NKAIN3: variants seen among roughly 807,000 people sequenced by gnomAD.
NKAIN3 encodes sodium/potassium transporting ATPase interacting 3.
NKAIN3 carries 25 observed loss-of-function variants against 30.2 expected under a neutral mutation model. The ratio of observed to expected loss-of-function variants is 0.83; its 90% CI spans 0.60 to 1.16. The LOEUF (loss-of-function observed/expected upper bound fraction) is 1.16, where lower values mean the gene tolerates loss of function less well. Ranked by LOEUF, NKAIN3 falls within the 50% of genes most tolerant of loss-of-function variation. NKAIN3 has a pLI of 0.00. For synonymous variants in NKAIN3, 91 were observed against 89.6 expected (o/e 1.02, Z -0.09); for missense variants, 225 against 254.1 (o/e 0.89, Z 0.78).
At chr8:62,311,410 G>A (rs1563928771) in intron 1 of NKAIN3, among the ~76,000 whole-genome samples, 1 of 150,222 alleles carries the variant, frequency 6.7e-6, no homozygotes, top group South Asian at 2.1e-4. Flanking sequence ...TATTTATATG[G>A]TCCAGAAACT....
intron 1 of NKAIN3, among the ~76,000 whole-genome samples, chr8:62,331,457 T>C (rs1412913414): frequency 2.6e-5 from 4 of 152,122 alleles, no homozygotes; most frequent in Non-Finnish European, 5.9e-5. Context: ...CCACACCTCA[T>C]GTGCCTGGCA....
At position 62,406,651 on chromosome 8, in the gene NKAIN3, A is replaced by G. The variant is rs1357780838; in HGVS notation, c.54+157524A>G. Reference sequence around the variant, plus strand: ...TCATATTTATATACATTGAGATACCATTTATGTCATTTTAATTTAGACCTC... The same window carrying G: ...TCATATTTATATACATTGAGATACCGTTTATGTCATTTTAATTTAGACCTC... On this transcript the variant is annotated intron_variant, in intron 1 of 6. Transcript: ENST00000623646. 2.0e-5 allele frequency among the ~76,000 whole-genome samples: 3 copies of G among 152,176 alleles called. No homozygotes were observed. The East Asian group carries it at 5.8e-4, about 29-fold the overall frequency.
At chr8:62,912,001 G>A (rs1821936558) in intron 4 of NKAIN3, among the ~76,000 whole-genome samples, 1 of 152,120 alleles carries the variant, frequency 6.6e-6, no homozygotes, top group African/African-American at 2.4e-5. Context: ...GATACATTCT[G>A]AGAAATGCGG....
At chr8:62,657,406 C>A (rs1586057128) in intron 3 of NKAIN3, among the ~76,000 whole-genome samples, 1 of 152,292 alleles carries the variant, frequency 6.6e-6, no homozygotes. Flanking sequence ...CATATCCTAT[C>A]ATGTGCCCTT....
intron 3 of NKAIN3, among the ~76,000 whole-genome samples, chr8:62,632,852 G>A (rs1812007982): frequency 6.6e-6 from 1 of 152,168 alleles, no homozygotes; most frequent in South Asian, 2.1e-4. Context: ...CACAGAGAGA[G>A]TACATTCACA....
intron 4 of NKAIN3, among the ~76,000 whole-genome samples, chr8:62,889,305 G>A (rs772729803): frequency 2.6e-5 from 4 of 152,038 alleles, no homozygotes; most frequent in Non-Finnish European, 5.9e-5. Context: ...GGGAGGCGGA[G>A]GTTACAGTGA....
intron 2 of NKAIN3, among the ~76,000 whole-genome samples, chr8:62,586,177 T>C (rs993369492): frequency 6.6e-6 from 1 of 152,230 alleles, no homozygotes; most frequent in Non-Finnish European, 1.5e-5. Flanking sequence ...TTAATCTGAA[T>C]TGTTATATAG....
At chr8:62,881,127 T>C (rs1310798340) in intron 4 of NKAIN3, among the ~76,000 whole-genome samples, 1 of 152,344 alleles carries the variant, frequency 6.6e-6, no homozygotes, top group East Asian at 1.9e-4. Context: ...CAAAAGCCCA[T>C]CATTTTACAT....
At chr8:62,558,504 G>A (rs1483944401) in intron 1 of NKAIN3, among the ~76,000 whole-genome samples, 3 of 151,932 alleles carry the variant, frequency 2.0e-5, no homozygotes, top group Admixed American at 6.6e-5. Flanking sequence ...TTGGCAGTAC[G>A]GCCATTTTCA....
At chr8:62,472,028 T>TAAA (rs55865884) in intron 1 of NKAIN3, among the ~76,000 whole-genome samples, 72 of 140,450 alleles carry the variant, frequency 5.1e-4, no homozygotes, top group African/African-American at 1.6e-3. Context: ...AGACTCTGTT[T>TAAA]AAAAAAAAAA....
intron 3 of NKAIN3, among the ~76,000 whole-genome samples, chr8:62,649,638 T>C (rs57735770): frequency 0.4 from 60,099 of 152,026 alleles, 12,830 homozygotes; most frequent in East Asian, 0.66. Context: ...TGGCAGAAGT[T>C]GGGGGCATTC....
At chr8:62,947,664 A>C (rs780977028) in intron 5 of NKAIN3, among the ~76,000 whole-genome samples, 24 of 152,292 alleles carry the variant, frequency 1.6e-4, no homozygotes, top group South Asian at 8.3e-4. Flanking sequence ...AGATCATAGA[A>C]GGCGACACAG....
intron 1 of NKAIN3, among the ~76,000 whole-genome samples, chr8:62,249,402 T>C (rs957037778): frequency 2.0e-5 from 3 of 152,292 alleles, no homozygotes; most frequent in South Asian, 4.1e-4. Context: ...CGCCACGCGG[T>C]CCAGGGGCCA....
At chr8:62,373,844 G>T (rs967250479) in intron 1 of NKAIN3, among the ~76,000 whole-genome samples, 5 of 152,068 alleles carry the variant, frequency 3.3e-5, no homozygotes, top group Non-Finnish European at 7.4e-5. Flanking sequence ...CGGGTGCGGT[G>T]GCCCATGCCT....
Position 62,802,216 on chromosome 8 carries a change from A to C in NKAIN3, c.471+55087A>C, listed in dbSNP as rs200187934. On this transcript the variant is annotated intron_variant, in intron 4 of 6. Transcript: ENST00000623646. ...CAGTGCAGGATATTATCCAGGAGAA[A>C]TTCCCCAATCTAGCAAGGCAGGCCA... Among the ~76,000 whole-genome samples the C allele has an allele frequency of 1.6e-4, 25 of 152,286 alleles. No individual in the cohort carries two copies. In the East Asian group the frequency reaches 3.9e-3, roughly 24 times the overall value.
intron 1 of NKAIN3, among the ~76,000 whole-genome samples, chr8:62,413,238 T>C (rs7826056): frequency 0.027 from 4,060 of 152,212 alleles, 182 homozygotes; most frequent in African/African-American, 0.092. Context: ...AGTTTGGAGA[T>C]TTTTCTTAGA....
chr8:62,465,406 A>G (rs541953095), intron 1 of NKAIN3, among the ~76,000 whole-genome samples: 4 of 152,330 alleles, frequency 2.6e-5, no homozygotes, highest in African/African-American at 9.6e-5. Context: ...ACTTTTCAAG[A>G]AGGAAAAAAA....
At chr8:62,937,358 A>G (rs1242550496) in intron 5 of NKAIN3, among the ~76,000 whole-genome samples, 1 of 152,170 alleles carries the variant, frequency 6.6e-6, no homozygotes. Flanking sequence ...GTGAGTGCCC[A>G]AAGTGTGAGA....
At chr8:62,944,698 T>A (rs1823072189) in intron 5 of NKAIN3, among the ~76,000 whole-genome samples, 1 of 152,214 alleles carries the variant, frequency 6.6e-6, no homozygotes, top group East Asian at 1.9e-4. Context: ...GATGGGAATA[T>A]AATTTCAATT....
Sources: gnomAD v4.1 joint callset for allele counts (sites outside exome capture counted in the v4.1 genomes callset) on GRCh38, gnomAD v4.1.1 for gene constraint, MANE v1.5 for transcripts, NCBI Gene and HGNC (gene_info 2026-07-23, HGNC 2026-07-21) for gene names.